The following KALRN variants were observed in gnomAD, a reference collection of about 807,000 sequenced individuals.
KALRN encodes kalirin.
In KALRN, 70 loss-of-function variants were observed where a neutral mutation model predicts 353.7. That is an observed-to-expected ratio of 0.20 (90% CI 0.16 to 0.24). The LOEUF is 0.24. KALRN is among the 10% of genes least tolerant of loss of function. KALRN has a pLI of 1.00. For synonymous variants in KALRN, 1,391 were observed against 1,434.8 expected (o/e 0.97, Z 0.69); for missense variants, 2,791 against 3,756.7 (o/e 0.74, Z 6.72).
chr3:124,534,632 A>G (rs1052846458), intron 33 of KALRN, among the ~76,000 whole-genome samples: 2 of 152,182 alleles, frequency 1.3e-5, no homozygotes, highest in Non-Finnish European at 2.9e-5. Flanking sequence ...AAAGGACTCT[A>G]TGAACTGGAA....
rs80261501 is a variant in KALRN, at chr3:124,278,213, G to A, written c.969+8958G>A. Among the ~76,000 whole-genome samples the A allele has an allele frequency of 2.8e-3, 424 of 151,112 alleles. 2 individuals are homozygous for A. The highest frequency in any genetic ancestry group is 0.028 in the Middle Eastern group (8 of 288). On this transcript the variant is annotated intron_variant, in intron 5 of 59. Coordinates refer to ENST00000682506, the MANE Select transcript of KALRN (RefSeq NM_001388419.1). ...GCACTAATGTAATTCTTGATACATC[G>A]TAAGGAAAAGATGGTTTAGAGAGTC... is the stretch of plus-strand genomic sequence containing the variant.
chr3:124,233,394 G>C (rs1028141759), intron 2 of KALRN, among the ~76,000 whole-genome samples: 1 of 152,170 alleles, frequency 6.6e-6, no homozygotes, highest in African/African-American at 2.4e-5. Flanking sequence ...ATGAGACAAG[G>C]GTGGTTATCA....
At chr3:124,530,518 A>C (rs1160778435) in intron 33 of KALRN, among the ~76,000 whole-genome samples, 2 of 152,048 alleles carry the variant, frequency 1.3e-5, no homozygotes, top group South Asian at 2.1e-4. Context: ...CAGCCTCTTG[A>C]GTAGCTGGGA....
chr3:124,463,005 T>A (rs1321389158), intron 25 of KALRN, among the ~76,000 whole-genome samples: 2 of 152,216 alleles, frequency 1.3e-5, no homozygotes, highest in African/African-American at 4.8e-5. Context: ...GGTTTTGAAT[T>A]CCATTGAAGT....
intron 1 of KALRN, among the ~76,000 whole-genome samples, chr3:124,051,487 T>C (rs902496848): frequency 1.3e-5 from 2 of 152,230 alleles, no homozygotes; most frequent in African/African-American, 2.4e-5. Context: ...TGGGTTTTCA[T>C]GAACATATGT....
chr3:124,113,437 G>C (rs906600447), intron 1 of KALRN, among the ~76,000 whole-genome samples: 2 of 152,128 alleles, frequency 1.3e-5, no homozygotes, highest in Non-Finnish European at 2.9e-5. Flanking sequence ...GAAAGGGTAC[G>C]GAGATAGAAT....
intron 33 of KALRN, among the ~76,000 whole-genome samples, chr3:124,543,962 G>A (rs533552691): frequency 6.6e-6 from 1 of 152,302 alleles, no homozygotes; most frequent in South Asian, 2.1e-4. Context: ...AGGGGCAGGG[G>A]TTTGAAGGTA....
At chr3:124,555,891 G>A (rs2071184587) in intron 33 of KALRN, among the ~76,000 whole-genome samples, 2 of 152,122 alleles carry the variant, frequency 1.3e-5, no homozygotes, top group Non-Finnish European at 2.9e-5. Flanking sequence ...ATGTAAACAA[G>A]GCAACACATT....
At chr3:124,615,661 T>C (rs1483326608) in intron 34 of KALRN, among the ~76,000 whole-genome samples, 3 of 152,206 alleles carry the variant, frequency 2.0e-5, no homozygotes, top group Non-Finnish European at 4.4e-5. Flanking sequence ...ATAAAAAGTT[T>C]TAAAGAACTG....
At chr3:124,176,386 G>A (rs1201280659) in intron 1 of KALRN, among the ~76,000 whole-genome samples, 1 of 152,288 alleles carries the variant, frequency 6.6e-6, no homozygotes, top group African/African-American at 2.4e-5. Context: ...TTGGTGTCTT[G>A]TAAAATCCTG....
At position 124,170,831 on chromosome 3, in the gene KALRN, CTTTTTTTTTTTTTTTTTTT is replaced by C. The variant is rs752783614; in HGVS notation, c.74-57138_74-57120del. Among the ~76,000 whole-genome samples the C allele has an allele frequency of 6.4e-4, 30 of 47,144 alleles. 1 individual carries two copies. The highest frequency in any genetic ancestry group is 1.6e-3 in the Admixed American group (5 of 3,038). 30.9% of individuals were successfully genotyped at this position (47,144 alleles called of 152,430 possible). On this transcript the variant is annotated intron_variant, in intron 1 of 59. Coordinates refer to ENST00000682506, the MANE Select transcript of KALRN (RefSeq NM_001388419.1). ...TATAAACTCCTTCCACTTCCACATT[CTTTTTTTTTTTTTTTTTTT>C]TTTTTTTTTTTTTTTTTTTTGAGAC... is the stretch of plus-strand genomic sequence containing the variant.
intron 19 of KALRN, among the ~76,000 whole-genome samples, chr3:124,442,484 A>T (rs1215367112): frequency 6.6e-6 from 1 of 152,224 alleles, no homozygotes; most frequent in Non-Finnish European, 1.5e-5. Flanking sequence ...ACAGCACAAG[A>T]CTAGGGTGTC....
At chr3:124,605,813 C>T (rs1337528534) in intron 34 of KALRN, among the ~76,000 whole-genome samples, 1 of 152,092 alleles carries the variant, frequency 6.6e-6, no homozygotes, top group African/African-American at 2.4e-5. Flanking sequence ...TGTGCTTCAC[C>T]CATGGCAGTG....
At chr3:124,378,310 A>G (rs1038033618) in intron 10 of KALRN, among the ~76,000 whole-genome samples, 3 of 152,100 alleles carry the variant, frequency 2.0e-5, no homozygotes, top group African/African-American at 4.8e-5. Context: ...GAACCTTACA[A>G]TAGTATACTT....
intron 33 of KALRN, 90 bp downstream of exon 33, chr3:124,496,503 A>G (rs2063867025): frequency 8.5e-6 from 8 of 943,510 alleles, no homozygotes; most frequent in Admixed American, 5.4e-5. Flanking sequence ...TTCTCTCACT[A>G]TGGATCCTAC....
At chr3:124,627,136 G>A (rs13071295) in intron 34 of KALRN, among the ~76,000 whole-genome samples, 20,764 of 152,172 alleles carry the variant, frequency 0.14, 1,555 homozygotes, top group Non-Finnish European at 0.16. Flanking sequence ...CTGAAGAAGC[G>A]ATTAACTAAG....
chr3:124,147,544 A>G (rs1172812502), intron 1 of KALRN, among the ~76,000 whole-genome samples: 1 of 152,202 alleles, frequency 6.6e-6, no homozygotes, highest in Non-Finnish European at 1.5e-5. Flanking sequence ...TTATTTTGAA[A>G]TAATTATACC....
At chr3:124,684,117 ACT>A (rs1200799629) in intron 51 of KALRN, among the ~76,000 whole-genome samples, 2 of 151,898 alleles carry the variant, frequency 1.3e-5, no homozygotes, top group African/African-American at 2.4e-5. Flanking sequence ...CCAGTAAACA[ACT>A]CTCTATTCCT....
In KALRN at chr3:124,692,343, C is replaced by T. The variant is rs930874420; in HGVS notation, c.7378-1461C>T. On this transcript the variant is annotated intron_variant, in intron 51 of 59. Coordinates refer to ENST00000682506, the MANE Select transcript of KALRN (RefSeq NM_001388419.1). ...TTTCTGCAGCCCACTTTTTAGAAAA[C>T]CTGGGTGGTATAAGCAGGCACTTGA... Among the ~76,000 whole-genome samples the T allele has an allele frequency of 2.6e-5, 4 of 152,312 alleles. No homozygotes were observed. In the South Asian group the frequency reaches 6.2e-4, roughly 24 times the overall value.
Sources: gnomAD v4.1 joint callset for allele counts (sites outside exome capture counted in the v4.1 genomes callset) on GRCh38, gnomAD v4.1.1 for gene constraint, MANE v1.5 for transcripts, NCBI Gene and HGNC (gene_info 2026-07-23, HGNC 2026-07-21) for gene names.